Variants in ESR2 observed in about 807,000 individuals in gnomAD.
ESR2 encodes estrogen receptor 2.
Under a neutral mutation model 49.6 loss-of-function variants are expected in ESR2, and 36 were observed. That is an observed-to-expected ratio of 0.73 (90% CI 0.56 to 0.96). ESR2 has a LOEUF of 0.96. Ranked by LOEUF, ESR2 falls within the 40% of genes least tolerant of loss-of-function variation. The pLI, the probability that ESR2 is intolerant of heterozygous loss-of-function variation, is 0.00. For missense variants in ESR2, 714 were observed against 693.0 expected, an observed-to-expected ratio of 1.03 and a Z score of -0.34; for synonymous variants, 320 against 266.1, an observed-to-expected ratio of 1.20 and a Z score of -1.97.
chr14:64,235,079 C>T lies in ESR2; in HGVS notation c.1297G>A (p.Val433Met), dbSNP rs200615874. Residue 433 changes from valine (V) to methionine (M), a missense_variant, in exon 8 of 9, where the codon GTG (valine) becomes ATG (methionine). Val to Met is a conservative substitution (Grantham distance 21, BLOSUM62 1). Coordinates refer to ENST00000341099, the MANE Select transcript of ESR2 (RefSeq NM_001437.3). ...SRKLAHLLNA[V>M]TDALVWVIAK... is the part of the protein sequence containing the mutation. ...ATCACCCAAACCAAAGCATCGGTCA[C>T]GGCGTTCAGCAAGTGAGCCAGCTTC... is the stretch of plus-strand genomic sequence containing the variant. The T allele has an allele frequency of 5.9e-5, 95 of 1,614,066 alleles. 1 individual carries two copies. The Middle Eastern group carries it at 8.2e-4, about 14-fold the overall frequency.
intron 1 of ESR2, among the ~76,000 whole-genome samples, chr14:64,292,131 T>C (rs1567783479): frequency 6.6e-6 from 1 of 152,134 alleles, no homozygotes; most frequent in Non-Finnish European, 1.5e-5. Flanking sequence ...CATTTGCAAA[T>C]AGCATTGTCT....
rs111414010 is a variant in ESR2 at position 64,332,899 on chromosome 14, T to A, written c.-91+4999A>T. Among the ~76,000 whole-genome samples the A allele has an allele frequency of 5.4e-3, 728 of 134,606 alleles. 6 individuals are homozygous for A. Among genetic ancestry groups the A allele is most frequent in the African/African-American group, 0.019 (692 of 35,922 alleles). 88.3% of individuals were successfully genotyped at this position (134,606 alleles called of 152,430 possible). A position where few individuals can be genotyped will look rare whatever the true frequency, so the allele number is the denominator to read the frequency against. On this transcript the variant is annotated intron_variant, in intron 1 of 8. Coordinates refer to the ESR2 transcript ENST00000358599. ...TTTTTTTTTTTTTTTTGAGACAGAG[T>A]CTCGCTCTGTCGCCCAGGCTGGAGG...
intron 3 of ESR2, among the ~76,000 whole-genome samples, chr14:64,277,452 T>C (rs1055751788): frequency 2.0e-4 from 31 of 151,714 alleles, no homozygotes; most frequent in Admixed American, 6.6e-4. Flanking sequence ...GCCGAAACCC[T>C]GTCTCTACTA....
chr14:64,273,961 A>G (rs1185176133), intron 3 of ESR2, among the ~76,000 whole-genome samples: 1 of 133,802 alleles, frequency 7.5e-6, no homozygotes, highest in African/African-American at 2.9e-5. Flanking sequence ...TTTTTTTGAG[A>G]CCTGATCACA....
At chr14:64,328,928 A>C (rs2077421586) in intron 1 of ESR2, among the ~76,000 whole-genome samples, 1 of 152,160 alleles carries the variant, frequency 6.6e-6, no homozygotes, top group African/African-American at 2.4e-5. Flanking sequence ...AGATATTTTA[A>C]ATTCTTATTT....
intron 7 of ESR2, among the ~76,000 whole-genome samples, chr14:64,240,709 G>T (rs1254624062): frequency 6.6e-6 from 1 of 152,068 alleles, no homozygotes; most frequent in Non-Finnish European, 1.5e-5. Context: ...TACAACCATT[G>T]TGTTTTTTCG....
intron 3 of ESR2, among the ~76,000 whole-genome samples, chr14:64,275,700 C>G (rs2076545797): frequency 6.6e-6 from 1 of 150,840 alleles, no homozygotes; most frequent in Non-Finnish European, 1.5e-5. Flanking sequence ...GAGACTCTGT[C>G]TCAAAAAAAA....
At chr14:64,279,893 G>C in intron 3 of ESR2, 88 bp downstream of exon 3, 1 of 1,052,076 alleles carries the variant, frequency 9.5e-7, no homozygotes, top group Non-Finnish European at 1.5e-6. Flanking sequence ...AAACAGGCCA[G>C]TAGTGACATT....
chr14:64,315,811 C>T (rs995299340), intron 1 of ESR2, among the ~76,000 whole-genome samples: 2 of 152,088 alleles, frequency 1.3e-5, no homozygotes, highest in Admixed American at 6.6e-5. Flanking sequence ...CGTGCCACCA[C>T]GCCCAGCTAA....
At chr14:64,331,159 T>C (rs960232910) in intron 1 of ESR2, among the ~76,000 whole-genome samples, 7 of 152,130 alleles carry the variant, frequency 4.6e-5, no homozygotes, top group African/African-American at 1.7e-4. Context: ...CATAGAAAGA[T>C]TGAAAATGAA....
intron 1 of ESR2, among the ~76,000 whole-genome samples, chr14:64,327,719 A>G (rs988386613): frequency 2.6e-5 from 4 of 151,716 alleles, no homozygotes; most frequent in African/African-American, 9.7e-5. Context: ...AAACACAAAA[A>G]TTAGCTGGGT....
rs572741219 is a variant in ESR2 at position 64,242,670 on chromosome 14, CTTCTT to C, written c.1225+6871_1225+6875del. Among the ~76,000 whole-genome samples, 27 of 151,446 alleles carry C rather than the reference CTTCTT, an allele frequency of 1.8e-4. 1 individual carries two copies. In the South Asian group the frequency reaches 5.6e-3, roughly 31 times the overall value. ...TGCATGAGGGAAATTGGTCTGTTGT[CTTCTT>C]TTCTTCTAGTGTGTTAGTCTGAGTG... is the stretch of plus-strand genomic sequence containing the variant. On this transcript the variant is annotated intron_variant, in intron 7 of 8. Transcript: ENST00000341099.
chr14:64,226,750 G>C (rs2098721336), downstream of ESR2: 1 of 148,906 alleles, frequency 6.7e-6, no homozygotes, highest in Non-Finnish European at 1.5e-5. Context: ...GAGTGCGGTG[G>C]CCCAATCTCG....
At chr14:64,291,366 C>T (rs1229588272) in intron 1 of ESR2, among the ~76,000 whole-genome samples, 10 of 152,168 alleles carry the variant, frequency 6.6e-5, no homozygotes, top group Non-Finnish European at 2.9e-5. Context: ...ATTTTCAAGA[C>T]CTGTCATAAT....
In ESR2 at chr14:64,232,292, G is replaced by A. The variant is rs575751468; in HGVS notation, c.*845C>T. The A allele has an allele frequency of 6.6e-6, 1 of 152,252 alleles. No individual in the cohort carries two copies. Among genetic ancestry groups the A allele is most frequent in the Non-Finnish European group, 1.5e-5 (1 of 68,040 alleles). The allele number at this position is 152,252 out of a possible 1,614,324, so 9.4% of individuals were successfully genotyped here. A position where few individuals can be genotyped will look rare whatever the true frequency, so the allele number is the denominator to read the frequency against. ...ATTGCCCCAGGGAAACACTGTGGCTGTCACCCACACCCACAGGAGAGAACC... is the reference window on the plus strand; with the variant it reads ...ATTGCCCCAGGGAAACACTGTGGCTATCACCCACACCCACAGGAGAGAACC... On this transcript the variant is annotated 3_prime_UTR_variant, in exon 9 of 9. Transcript: ENST00000341099.
intron 7 of ESR2, among the ~76,000 whole-genome samples, chr14:64,236,381 C>T (rs773278733): frequency 6.6e-6 from 1 of 152,200 alleles, no homozygotes; most frequent in Non-Finnish European, 1.5e-5. Context: ...CTCCCACTGT[C>T]GCCCCAGAGA....
chr14:64,318,409 TG>T (rs1378091205), intron 1 of ESR2, among the ~76,000 whole-genome samples: 3 of 151,616 alleles, frequency 2.0e-5, no homozygotes, highest in Non-Finnish European at 4.4e-5. Context: ...TGGTGGCACA[TG>T]CCTGTAATCC....
At chr14:64,279,573 A>T (rs575914298) in intron 3 of ESR2, among the ~76,000 whole-genome samples, 1 of 152,208 alleles carries the variant, frequency 6.6e-6, no homozygotes, top group African/African-American at 2.4e-5. Context: ...AAATGTGTTT[A>T]TTCTTTCTTC....
At chr14:64,320,294 G>A (rs1365388812) in intron 1 of ESR2, among the ~76,000 whole-genome samples, 3 of 152,110 alleles carry the variant, frequency 2.0e-5, no homozygotes, top group Non-Finnish European at 4.4e-5. Flanking sequence ...AGCCGGGCAT[G>A]GTGGCATACA....
Sources: allele counts gnomAD v4.1 joint callset (sites outside exome capture counted in the v4.1 genomes callset), GRCh38; gene constraint gnomAD v4.1.1; transcripts MANE v1.5; gene names NCBI Gene and HGNC (gene_info 2026-07-23, HGNC 2026-07-21).